Variants in HDHD5 observed in about 807,000 individuals in gnomAD.
HDHD5 encodes the protein haloacid dehalogenase-like hydrolase domain-containing 5.
In HDHD5, 34 loss-of-function variants were observed where a neutral mutation model predicts 35.5. The ratio of observed to expected loss-of-function variants is 0.96; its 90% CI spans 0.73 to 1.28. HDHD5 has a LOEUF of 1.28. Among genes scored for constraint, HDHD5 ranks in the 50% most tolerant of loss-of-function variants. The probability of loss-of-function intolerance (pLI) is 0.00; values close to 1 mark genes in which losing one functional copy is unlikely to be tolerated. For synonymous variants in HDHD5, 248 were observed against 240.6 expected (o/e 1.03, Z -0.29); for missense variants, 589 against 560.2 (o/e 1.05, Z -0.52).
At chr22:17,158,688 C>T (rs183153238) in intron 1 of HDHD5, 2 of 152,842 alleles carry the variant, frequency 1.3e-5, no homozygotes, top group African/African-American at 4.8e-5. Flanking sequence ...TGAACTGAAC[C>T]CAAGGCCCGC....
upstream of HDHD5, among the ~76,000 whole-genome samples, chr22:17,162,825 C>T (rs1442256366): frequency 6.6e-6 from 1 of 152,242 alleles, no homozygotes; most frequent in African/African-American, 2.4e-5. Flanking sequence ...TCCCATCCTG[C>T]CGGATGCACG....
chr22:17,140,177 G>T (rs917506128), intron 6 of HDHD5, among the ~76,000 whole-genome samples: 1 of 152,218 alleles, frequency 6.6e-6, no homozygotes, highest in Admixed American at 6.5e-5. Flanking sequence ...TCGACTGGGG[G>T]TCAACAGCAG....
chr22:17,164,269 C>G (rs1401455443), upstream of HDHD5, among the ~76,000 whole-genome samples: 1 of 148,790 alleles, frequency 6.7e-6, no homozygotes, highest in Non-Finnish European at 1.5e-5. Context: ...ACTGTTCATA[C>G]TCCTACTTTC....
At chr22:17,140,084 T>C (rs2061582754) in intron 6 of HDHD5, among the ~76,000 whole-genome samples, 1 of 152,130 alleles carries the variant, frequency 6.6e-6, no homozygotes, top group African/African-American at 2.4e-5. Flanking sequence ...GACAAGAGCA[T>C]ACCATACCCC....
chr22:17,138,551 C>G lies in HDHD5; in HGVS notation c.934G>C (p.Gly312Arg). Residue 312 changes from glycine to arginine, a missense_variant and splice_region_variant, in exon 7 of 8, where the codon GGT (glycine) becomes CGT (arginine). Transcript: ENST00000336737. ...CAAAGGAGGGAGAGCAGAGCCTACC[C>G]CACAGCATAGAGCTTCCGGATGGGG... ...AAPIRKLYAV[G>R]DNPMSDVYGA... The G allele has an allele frequency of 6.2e-7, 1 of 1,613,826 alleles. No individual in the cohort carries two copies. Among genetic ancestry groups the G allele is most frequent in the Non-Finnish European group, 8.5e-7 (1 of 1,179,820 alleles).
intron 2 of HDHD5, among the ~76,000 whole-genome samples, 176 bp from the exon 3 acceptor site, chr22:17,148,736 C>G (rs139729515): frequency 3.2e-4 from 49 of 152,302 alleles, no homozygotes; most frequent in African/African-American, 1.1e-3. Context: ...CCAAACAGAT[C>G]TGAGAAGAAC....
Position 17,141,387 on chromosome 22 carries a change from C to T in HDHD5, c.572-154G>A. On this transcript the variant is annotated intron_variant, in intron 5 of 7. Transcript: ENST00000336737. ...GCTCCCCAACAAGCCCAGTAGAGCC[C>T]CTTACCCATCCACCCTGGGTGCACA... 4 of 1,387,842 alleles carry T rather than the reference C, an allele frequency of 2.9e-6. No homozygotes were observed. The South Asian group carries it at 7.0e-5, about 24-fold the overall frequency. 86.0% of individuals were successfully genotyped at this position (1,387,842 alleles called of 1,614,324 possible). A position where few individuals can be genotyped will look rare whatever the true frequency, so the allele number is the denominator to read the frequency against.
intron 1 of HDHD5, among the ~76,000 whole-genome samples, chr22:17,157,076 T>TCTCACACACACACACACACA (rs1555881505): frequency 1.1e-4 from 6 of 56,114 alleles, no homozygotes; most frequent in African/African-American, 3.8e-4. Flanking sequence ...AGACACCGTC[T>TCTCACACACACACACACACA]CACACACATA....
Position 17,143,109 on chromosome 22 carries a change from G to A in HDHD5, c.560C>T (p.Pro187Leu). The part of the protein sequence containing the change: ...KTTPLPRNDF[P>L]RIEGVLLLGE... ...AGGACCTCTCTTACCTTCAATGCGG[G>A]GGAAGTCATTCCTCGGGAGGGGCTG... The change falls in exon 5 of 8, where the codon CCC becomes CTC. Residue 187 changes from proline to leucine, a missense_variant. Coordinates refer to ENST00000336737, the MANE Select transcript of HDHD5 (RefSeq NM_033070.3). The A allele has an allele frequency of 6.2e-7, 1 of 1,610,068 alleles. No individual in the cohort carries two copies. Among genetic ancestry groups the A allele is most frequent in the Non-Finnish European group, 8.5e-7 (1 of 1,178,466 alleles).
intron 4 of HDHD5, among the ~76,000 whole-genome samples, chr22:17,144,495 C>G (rs576813300): frequency 2.0e-5 from 3 of 150,416 alleles, no homozygotes; most frequent in East Asian, 2.0e-4. Context: ...CTCACTGCAA[C>G]CTCTGCCTCC....
intron 4 of HDHD5, among the ~76,000 whole-genome samples, chr22:17,143,893 G>T (rs1208480139): frequency 1.3e-5 from 2 of 152,266 alleles, no homozygotes; most frequent in Admixed American, 6.5e-5. Flanking sequence ...TGAGGAGAAA[G>T]TGAGCCAACG....
At chr22:17,151,727 T>TAAAAAAAAAA (rs59104154) in intron 1 of HDHD5, among the ~76,000 whole-genome samples, 2 of 113,124 alleles carry the variant, frequency 1.8e-5, no homozygotes, top group Admixed American at 9.5e-5. Flanking sequence ...TAGACTCTAC[T>TAAAAAAAAAA]AAAAAAAAAA....
rs2061690517 is a variant in HDHD5 at position 17,148,499 on chromosome 22, T to G, written c.392A>C (p.Glu131Ala). Residue 131 changes from glutamate (E) to alanine (A), a missense_variant, in exon 3 of 8, where the codon GAG (glutamate) becomes GCG (alanine). Physicochemically the swap from Glu to Ala is moderately radical, Grantham distance 107. Coordinates refer to ENST00000336737, the MANE Select transcript of HDHD5 (RefSeq NM_033070.3). ...SPMKLFSEYH[E>A]KRMLVSGQGP... ...CTGTCCAGACACCAGCATCCGCTTCTCATGGTACTCGGAGAAGAGCTTCAT... is the reference window on the plus strand; with the variant it reads ...CTGTCCAGACACCAGCATCCGCTTCGCATGGTACTCGGAGAAGAGCTTCAT... 3.1e-6 allele frequency: 5 copies of G among 1,614,082 alleles called. No individual in the cohort carries two copies. In the Admixed American group the frequency reaches 6.7e-5, roughly 22 times the overall value.
At chr22:17,161,717 T>C, upstream of HDHD5, among the ~76,000 whole-genome samples, 1 of 144,194 alleles carries the variant, frequency 6.9e-6, no homozygotes, top group Non-Finnish European at 1.5e-5. Context: ...AATATATATA[T>C]AAAAAAAAAA....
intron 1 of HDHD5, among the ~76,000 whole-genome samples, chr22:17,156,699 C>A (rs1017401837): frequency 1.3e-5 from 2 of 151,238 alleles, no homozygotes; most frequent in African/African-American, 4.9e-5. Context: ...TGATGTGAAC[C>A]CAGGAGGCAG....
intron 3 of HDHD5, among the ~76,000 whole-genome samples, chr22:17,147,860 T>C (rs2061683156): frequency 6.6e-6 from 1 of 152,252 alleles, no homozygotes; most frequent in Admixed American, 6.5e-5. Context: ...GGTGTTATTC[T>C]TGCCTCCAGC....
intron 4 of HDHD5, chr22:17,143,728 G>C (rs2061625749): frequency 6.6e-6 from 1 of 152,404 alleles, no homozygotes; most frequent in Non-Finnish European, 1.5e-5. Flanking sequence ...TCACAGGGGA[G>C]GAAGTGCTCT....
Position 17,144,973 on chromosome 22 carries a change from C to T in HDHD5, c.537+51G>A, listed in dbSNP as rs2061644172. 3 of 1,606,488 alleles carry T rather than the reference C, an allele frequency of 1.9e-6. No homozygotes were observed. The South Asian group carries it at 3.3e-5, about 18-fold the overall frequency. ...GGTCAGCGACACAGCCAATGCAGGG[C>T]ACTGGAGGAGTGAAGGATGAAGACA... On this transcript the variant is annotated intron_variant, in intron 4 of 7. Coordinates refer to ENST00000336737, the MANE Select transcript of HDHD5 (RefSeq NM_033070.3).
chr22:17,154,453 T>A (rs1434569476), intron 1 of HDHD5, among the ~76,000 whole-genome samples: 5 of 151,422 alleles, frequency 3.3e-5, no homozygotes, highest in African/African-American at 1.2e-4. Context: ...CACTCCAGCC[T>A]GGGCAACAAG....
Sources: gnomAD v4.1 joint callset for allele counts (sites outside exome capture counted in the v4.1 genomes callset) on GRCh38, gnomAD v4.1.1 for gene constraint, MANE v1.5 for transcripts, NCBI Gene and HGNC (gene_info 2026-07-23, HGNC 2026-07-21) for gene names.